The following ACTL8 variants were observed in gnomAD, a reference collection of about 807,000 sequenced individuals.
ACTL8 encodes the protein actin like 8, also known as actin-like protein 8.
A neutral mutation model predicts 9.3 loss-of-function variants in ACTL8; 3 were observed. The ratio of observed to expected loss-of-function variants is 0.32; its 90% CI spans 0.15 to 0.83. ACTL8 has a LOEUF of 0.83. ACTL8 is among the 40% of genes least tolerant of loss of function. The pLI is 0.57. For synonymous variants in ACTL8, 224 were observed against 205.9 expected (o/e 1.09, Z -0.75); for missense variants, 381 against 492.2 (o/e 0.77, Z 2.14).
intron 1 of ACTL8, among the ~76,000 whole-genome samples, chr1:17,759,915 T>C (rs1180292742): frequency 6.6e-6 from 1 of 152,216 alleles, no homozygotes; most frequent in Non-Finnish European, 1.5e-5. Flanking sequence ...CAGTTTCTTG[T>C]TAATTCCACC....
chr1:17,816,200 C>CTTTTTTTTTT lies in ACTL8; in HGVS notation c.-24-6778_-24-6769dup, dbSNP rs34383884. 9.0e-3 allele frequency among the ~76,000 whole-genome samples: 1,251 copies of CTTTTTTTTTT among 139,352 alleles called. 25 individuals carry two copies. The highest frequency in any genetic ancestry group is 0.032 in the African/African-American group (1,182 of 36,594). The allele number at this position is 139,352 out of a possible 152,430, so 91.4% of individuals were successfully genotyped here. A position where few individuals can be genotyped will look rare whatever the true frequency, so the allele number is the denominator to read the frequency against. On this transcript the variant is annotated intron_variant, in intron 1 of 2. Transcript: ENST00000375406. ...GCAATAGAACTCAAAATATTAATAG[C>CTTTTTTTTTT]TTTTTTTTTTTTTTTTGAGACCAGG...
At chr1:17,788,936 C>T (rs1034841238) in intron 1 of ACTL8, among the ~76,000 whole-genome samples, 1 of 152,208 alleles carries the variant, frequency 6.6e-6, no homozygotes, top group African/African-American at 2.4e-5. Flanking sequence ...CTCCTGGCTG[C>T]TCTTGATCAG....
chr1:17,808,408 G>A (rs1446397660), intron 1 of ACTL8, among the ~76,000 whole-genome samples: 2 of 152,088 alleles, frequency 1.3e-5, no homozygotes, highest in Non-Finnish European at 2.9e-5. Context: ...GGTGTAGAGA[G>A]GTGCTTAACT....
At chr1:17,773,722 A>G (rs1237850676) in intron 1 of ACTL8, among the ~76,000 whole-genome samples, 1 of 152,232 alleles carries the variant, frequency 6.6e-6, no homozygotes, top group East Asian at 1.9e-4. Flanking sequence ...TCTGTGCCCA[A>G]GCAAGGATAA....
chr1:17,825,388 C>T (rs1014272016), intron 2 of ACTL8, among the ~76,000 whole-genome samples: 1 of 151,812 alleles, frequency 6.6e-6, no homozygotes, highest in Non-Finnish European at 1.5e-5. Flanking sequence ...GTGGTGAATA[C>T]GCAACACTTG....
At chr1:17,825,674 G>T in intron 2 of ACTL8, 93 bp from the exon 3 acceptor site, 3 of 1,491,232 alleles carry the variant, frequency 2.0e-6, no homozygotes, top group Middle Eastern at 2.4e-4. Context: ...CAGCCCGAGA[G>T]TCCCCCCGAG....
At chr1:17,783,927 ATC>A (rs1204869868) in intron 1 of ACTL8, among the ~76,000 whole-genome samples, 3 of 152,172 alleles carry the variant, frequency 2.0e-5, no homozygotes, top group Admixed American at 2.0e-4. Flanking sequence ...CACCCTCTAG[ATC>A]TAAATGGATA....
intron 1 of ACTL8, among the ~76,000 whole-genome samples, chr1:17,812,596 A>ATTT (rs34761963): frequency 0.018 from 2,385 of 136,262 alleles, 95 homozygotes; most frequent in African/African-American, 0.062. Context: ...CGCCCTGTCA[A>ATTT]TTTTTTTTTT....
chr1:17,779,426 T>A (rs1168858921), intron 1 of ACTL8, among the ~76,000 whole-genome samples: 1 of 152,246 alleles, frequency 6.6e-6, no homozygotes, highest in Non-Finnish European at 1.5e-5. Context: ...TGTGTGAATT[T>A]GGGAAAATCC....
chr1:17,815,552 T>C (rs2066421095), intron 1 of ACTL8, among the ~76,000 whole-genome samples: 1 of 152,238 alleles, frequency 6.6e-6, no homozygotes, highest in Non-Finnish European at 1.5e-5. Context: ...TATTTAGTGT[T>C]TTATTTTTCT....
At chr1:17,792,042 G>A (rs1378011113) in intron 1 of ACTL8, among the ~76,000 whole-genome samples, 1 of 152,156 alleles carries the variant, frequency 6.6e-6, no homozygotes, top group Non-Finnish European at 1.5e-5. Flanking sequence ...TGGGGCTGGA[G>A]CCAGGGCCTC....
At chr1:17,776,788 CT>C (rs759416058) in intron 1 of ACTL8, among the ~76,000 whole-genome samples, 7 of 151,778 alleles carry the variant, frequency 4.6e-5, no homozygotes, top group Non-Finnish European at 1.0e-4. Context: ...TTATTTGATC[CT>C]ATTGTTTGTT....
chr1:17,770,857 C>T (rs972613189), intron 1 of ACTL8, among the ~76,000 whole-genome samples: 11 of 151,938 alleles, frequency 7.2e-5, no homozygotes, highest in Non-Finnish European at 1.2e-4. Flanking sequence ...GGGCTCTGAC[C>T]GGGAAGAATA....
Position 17,767,613 on chromosome 1 carries a change from G to A in ACTL8, c.-25+12109G>A, listed in dbSNP as rs140761245. 3.5e-3 allele frequency among the ~76,000 whole-genome samples: 529 copies of A among 152,294 alleles called. 4 individuals carry two copies. The highest frequency in any genetic ancestry group is 0.012 in the African/African-American group (500 of 41,542). On this transcript the variant is annotated intron_variant, in intron 1 of 2. Coordinates refer to ENST00000375406, the MANE Select transcript of ACTL8 (RefSeq NM_030812.3). The surrounding 1 kb of genome is among the most constrained non-coding windows in gnomAD (Gnocchi z 4.7). Reference sequence around the variant, plus strand: ...TTGTCCAGTGGTTATTTGGTGCGCAGTAAGCCCTTTGCTTTTTGGGTATTG... The same window carrying A: ...TTGTCCAGTGGTTATTTGGTGCGCAATAAGCCCTTTGCTTTTTGGGTATTG...
At chr1:17,800,164 A>G (rs1019723929) in intron 1 of ACTL8, among the ~76,000 whole-genome samples, 1 of 152,186 alleles carries the variant, frequency 6.6e-6, no homozygotes, top group Non-Finnish European at 1.5e-5. Flanking sequence ...TGTCTACACT[A>G]CTTTGGGGAG....
rs571175854 is a variant in ACTL8, at chr1:17,786,896, C to T, written c.-25+31392C>T. ...TGTTTTTTTTTTGTAGAGACAGGAT[C>T]GTGCTTTCTTGCACAGGCTGGTCTT... is the stretch of plus-strand genomic sequence containing the variant. On this transcript the variant is annotated intron_variant, in intron 1 of 2. Transcript: ENST00000375406. 3.9e-5 allele frequency among the ~76,000 whole-genome samples: 6 copies of T among 151,926 alleles called. No individual in the cohort carries two copies. In the South Asian group the frequency reaches 8.4e-4, roughly 21 times the overall value.
chr1:17,793,502 G>T (rs1337140417), intron 1 of ACTL8, among the ~76,000 whole-genome samples: 6 of 152,176 alleles, frequency 3.9e-5, no homozygotes, highest in Admixed American at 1.3e-4. Flanking sequence ...TCCTCAGGCA[G>T]ATTTCATTAT....
intron 1 of ACTL8, among the ~76,000 whole-genome samples, chr1:17,762,122 A>G (rs1258492919): frequency 6.6e-6 from 1 of 152,008 alleles, no homozygotes; most frequent in Non-Finnish European, 1.5e-5. Context: ...GTAGCTGGGG[A>G]GAGCCGTGAG....
chr1:17,805,361 TTTTC>T (rs1427199800), intron 1 of ACTL8, among the ~76,000 whole-genome samples: 7 of 98,244 alleles, frequency 7.1e-5, no homozygotes, highest in African/African-American at 3.1e-4. Flanking sequence ...AATAGATATA[TTTTC>T]TTTTTCTTTT....
Sources: gnomAD v4.1 joint callset for allele counts (sites outside exome capture counted in the v4.1 genomes callset) on GRCh38, gnomAD v4.1.1 for gene constraint, Gnocchi (gnomAD v3.1) non-coding constraint, MANE v1.5 for transcripts, NCBI Gene and HGNC (gene_info 2026-07-23, HGNC 2026-07-21) for gene names.